Variants in STK32B observed in about 807,000 individuals in gnomAD.
STK32B encodes the protein serine/threonine-protein kinase 32B.
STK32B carries 43 observed loss-of-function variants against 52.6 expected under a neutral mutation model. The observed-to-expected ratio is 0.82, with a 90% CI of 0.64 to 1.05. The LOEUF is 1.05. Ranked by LOEUF, STK32B falls within the 50% of genes least tolerant of loss-of-function variation. STK32B has a pLI of 0.00. For missense variants in STK32B, 621 were observed against 534.6 expected (o/e 1.16, Z -1.59); for synonymous variants, 238 against 204.3 (o/e 1.17, Z -1.41).
intron 3 of STK32B, among the ~76,000 whole-genome samples, chr4:5,182,392 C>T (rs1168041893): frequency 6.6e-6 from 1 of 152,150 alleles, no homozygotes; most frequent in Non-Finnish European, 1.5e-5. Flanking sequence ...TTTCAATTTA[C>T]TTTGCCCAGA....
In STK32B at chr4:5,394,453, G is replaced by C. The variant is rs371379123; in HGVS notation, c.435-3754G>C. On this transcript the variant is annotated intron_variant, in intron 4 of 11. Transcript: ENST00000282908. This position sits in a 1 kb window ranked among gnomAD's most constrained non-coding sequence, Gnocchi z 4.2. ...GGTCCTGAAACTGGCTAAACTAAAG[G>C]CTCTGCTAAGATGCTTTACCCATAA... is the stretch of plus-strand genomic sequence containing the variant. 6.6e-5 allele frequency among the ~76,000 whole-genome samples: 10 copies of C among 152,138 alleles called. No individual in the cohort carries two copies. The highest frequency in any genetic ancestry group is 1.2e-4 in the Non-Finnish European group (8 of 68,016).
intron 1 of STK32B, among the ~76,000 whole-genome samples, chr4:5,077,417 A>G (rs1712148782): frequency 1.3e-5 from 2 of 151,722 alleles, no homozygotes; most frequent in South Asian, 4.2e-4. Context: ...AGTTTCCCCA[A>G]CCAGCTGTGA....
chr4:5,126,998 C>T (rs976979503), intron 1 of STK32B: 2 of 442,380 alleles, frequency 4.5e-6, no homozygotes, highest in African/African-American at 2.0e-5. Flanking sequence ...TCCTTTTGCA[C>T]AGATGACAGC....
chr4:5,148,281 T>C (rs1717077701), intron 2 of STK32B, among the ~76,000 whole-genome samples: 1 of 151,758 alleles, frequency 6.6e-6, no homozygotes, highest in Admixed American at 6.6e-5. Context: ...TTGCCTTCTT[T>C]CTCTTATTTT....
chr4:5,194,188 G>GA (rs1721461880), intron 3 of STK32B, among the ~76,000 whole-genome samples: 1 of 151,814 alleles, frequency 6.6e-6, no homozygotes, highest in Admixed American at 6.6e-5. Flanking sequence ...TCCATCCTCA[G>GA]AAAAAAAATG....
chr4:5,284,830 TTCA>T (rs1728444423), intron 3 of STK32B, among the ~76,000 whole-genome samples: 1 of 152,174 alleles, frequency 6.6e-6, no homozygotes, highest in Non-Finnish European at 1.5e-5. Flanking sequence ...TTGTGTATTT[TTCA>T]TCATGTTTAG....
At chr4:5,309,984 G>A (rs889303932) in intron 3 of STK32B, among the ~76,000 whole-genome samples, 2 of 152,068 alleles carry the variant, frequency 1.3e-5, no homozygotes, top group Non-Finnish European at 1.5e-5. Flanking sequence ...TGGCCAGCAT[G>A]GTGAAACCTC....
intron 7 of STK32B, among the ~76,000 whole-genome samples, chr4:5,450,532 C>G (rs558832647): frequency 6.6e-6 from 1 of 152,164 alleles, no homozygotes; most frequent in Admixed American, 6.5e-5. Context: ...CTTACTCAGT[C>G]GAAAGCTGCT....
At chr4:5,073,471 A>C (rs10213338) in intron 1 of STK32B, among the ~76,000 whole-genome samples, 120,852 of 151,746 alleles carry the variant, frequency 0.8, 48,386 homozygotes, top group East Asian at 0.98. Context: ...TGTAATATAA[A>C]ACTCATGGTA....
intron 6 of STK32B, among the ~76,000 whole-genome samples, chr4:5,427,645 G>A (rs1230232260): frequency 3.3e-5 from 5 of 152,084 alleles, no homozygotes; most frequent in Non-Finnish European, 2.9e-5. Context: ...TGTCTTTCAA[G>A]GAATTTCCCT....
At chr4:5,069,286 A>G (rs980186163) in intron 1 of STK32B, among the ~76,000 whole-genome samples, 32 of 145,550 alleles carry the variant, frequency 2.2e-4, no homozygotes, top group Middle Eastern at 3.7e-3. Flanking sequence ...TCCACCTCCC[A>G]GGTTCACAAT....
chr4:5,111,477 GC>G (rs1560156888), intron 1 of STK32B, among the ~76,000 whole-genome samples: 1 of 152,164 alleles, frequency 6.6e-6, no homozygotes, highest in African/African-American at 2.4e-5. Context: ...CATAGATGGA[GC>G]TGGAGGCTGT....
At chr4:5,152,480 A>G (rs1717450317) in intron 2 of STK32B, among the ~76,000 whole-genome samples, 1 of 152,248 alleles carries the variant, frequency 6.6e-6, no homozygotes, top group African/African-American at 2.4e-5. Context: ...ATCCCAGGAA[A>G]TATTTGTGAG....
chr4:5,135,193 G>A lies in STK32B; in HGVS notation c.53-4712G>A, dbSNP rs1031680934. ...CCACTAACATAGAATAATATTCATAGCAATACCTAAATGCTTAACCTTTAT... is the reference window on the plus strand; with the variant it reads ...CCACTAACATAGAATAATATTCATAACAATACCTAAATGCTTAACCTTTAT... On this transcript the variant is annotated intron_variant, in intron 1 of 11. Transcript: ENST00000282908. Among the ~76,000 whole-genome samples the A allele has an allele frequency of 3.3e-5, 5 of 152,336 alleles. No individual in the cohort carries two copies. In the East Asian group the frequency reaches 9.6e-4, roughly 29 times the overall value.
chr4:5,380,405 T>G lies in STK32B; in HGVS notation c.435-17802T>G, dbSNP rs182199153. The stretch of plus-strand genomic sequence containing the variant: ...ATTATACTATGAAATAGAAGAGCAT[T>G]ACTCTGAAGAGGTACAGGAATTTTC... On this transcript the variant is annotated intron_variant, in intron 4 of 11. Transcript: ENST00000282908. The surrounding 1 kb of genome is among the most constrained non-coding windows in gnomAD (Gnocchi z 4.3). Among the ~76,000 whole-genome samples, 3 of 152,278 alleles carry G rather than the reference T, an allele frequency of 2.0e-5. No individual in the cohort carries two copies. Among genetic ancestry groups the G allele is most frequent in the Admixed American group, 2.0e-4 (3 of 15,304 alleles).
At chr4:5,205,221 C>G (rs1328211462) in intron 3 of STK32B, among the ~76,000 whole-genome samples, 1 of 151,798 alleles carries the variant, frequency 6.6e-6, no homozygotes, top group Non-Finnish European at 1.5e-5. Flanking sequence ...ACCACTGGGA[C>G]TTATGTCGTT....
At chr4:5,361,304 C>A (rs1011014390) in intron 4 of STK32B, among the ~76,000 whole-genome samples, 1 of 152,160 alleles carries the variant, frequency 6.6e-6, no homozygotes, top group African/African-American at 2.4e-5. Context: ...CTCTTTGACA[C>A]CCTGCTTTCA....
intron 3 of STK32B, among the ~76,000 whole-genome samples, chr4:5,314,722 A>G (rs1188090761): frequency 6.6e-6 from 1 of 152,194 alleles, no homozygotes; most frequent in East Asian, 1.9e-4. Flanking sequence ...GTAAAGCTAT[A>G]AAACTTTTGA....
intron 5 of STK32B, among the ~76,000 whole-genome samples, chr4:5,409,755 T>C (rs1473404941): frequency 6.6e-6 from 1 of 152,090 alleles, no homozygotes; most frequent in African/African-American, 2.4e-5. Flanking sequence ...TGTCACTGGT[T>C]GTTGTTTTCC....
Sources: allele counts gnomAD v4.1 joint callset (sites outside exome capture counted in the v4.1 genomes callset), GRCh38; gene constraint gnomAD v4.1.1; non-coding constraint Gnocchi (gnomAD v3.1); transcripts MANE v1.5; gene names NCBI Gene and HGNC (gene_info 2026-07-23, HGNC 2026-07-21).